Variants in EEF1E1 observed in about 807,000 individuals in gnomAD.
EEF1E1 encodes the protein eukaryotic translation elongation factor 1 epsilon 1, also known as eukaryotic translation elongation factor 1 epsilon-1.
Under a neutral mutation model 19.9 loss-of-function variants are expected in EEF1E1, and 19 were observed. The ratio of observed to expected loss-of-function variants is 0.95; its 90% CI spans 0.66 to 1.40. The LOEUF (loss-of-function observed/expected upper bound fraction) is 1.40. Ranked by LOEUF, EEF1E1 falls within the 40% of genes most tolerant of loss-of-function variation. The pLI, the probability that EEF1E1 is intolerant of heterozygous loss-of-function variation, is 0.00. For synonymous variants in EEF1E1, 81 were observed against 80.0 expected (o/e 1.01, Z -0.07); for missense variants, 198 against 202.2 (o/e 0.98, Z 0.13).
intron 1 of EEF1E1, chr6:8,101,796 G>GT (rs1319339551): frequency 1.2e-5 from 15 of 1,289,298 alleles, no homozygotes; most frequent in Non-Finnish European, 1.5e-5. Flanking sequence ...ACTGTGGGTC[G>GT]TAACACTTAA....
chr6:8,075,808 G>T (rs575371754), downstream of EEF1E1, among the ~76,000 whole-genome samples: 1 of 152,192 alleles, frequency 6.6e-6, no homozygotes, highest in Non-Finnish European at 1.5e-5. Flanking sequence ...AACCAAAGTA[G>T]AACTTCTTTC....
At chr6:8,078,688 TG>T (rs958082571), downstream of EEF1E1, 2 of 1,286,076 alleles carry the variant, frequency 1.6e-6, no homozygotes, top group East Asian at 1.1e-4. Flanking sequence ...GAGACAAACA[TG>T]GGGGCCTGTT....
In EEF1E1 at chr6:8,101,416, G is replaced by A. The variant is rs146896865; in HGVS notation, c.87+1019C>T. On this transcript the variant is annotated intron_variant, in intron 1 of 3. Coordinates refer to ENST00000379715, the MANE Select transcript of EEF1E1 (RefSeq NM_004280.5). Reference sequence around the variant, plus strand: ...GGCCGAAGGGACGGAATTATCACTGGGGCAGAGGAAACACCAAAAGAAGGC... The same window carrying A: ...GGCCGAAGGGACGGAATTATCACTGAGGCAGAGGAAACACCAAAAGAAGGC... Among the ~76,000 whole-genome samples, 268 of 149,818 alleles carry A rather than the reference G, an allele frequency of 1.8e-3. 2 individuals are homozygous for A. Among genetic ancestry groups the A allele is most frequent in the African/African-American group, 6.3e-3 (256 of 40,724 alleles).
chr6:8,091,787 G>T (rs1758017757), intron 2 of EEF1E1, among the ~76,000 whole-genome samples: 1 of 152,118 alleles, frequency 6.6e-6, no homozygotes, highest in African/African-American at 2.4e-5. Flanking sequence ...CTCCTCTAAG[G>T]ACTAGATATA....
Position 8,091,429 on chromosome 6 carries a change from A to C in EEF1E1, c.289-1148T>G, listed in dbSNP as rs77139062. 1.5e-3 allele frequency among the ~76,000 whole-genome samples: 224 copies of C among 152,260 alleles called. 2 individuals are homozygous for C. Among genetic ancestry groups the C allele is most frequent in the African/African-American group, 5.1e-3 (213 of 41,542 alleles). On this transcript the variant is annotated intron_variant, in intron 2 of 3. Transcript: ENST00000379715. ...CTGTAGGAGTTCTTCACATATTCTG[A>C]ATATTAACCCCTTAACAAACATATG...
At chr6:8,089,271 T>C (rs573516668) in intron 3 of EEF1E1, among the ~76,000 whole-genome samples, 29 of 152,284 alleles carry the variant, frequency 1.9e-4, no homozygotes, top group African/African-American at 7.0e-4. Flanking sequence ...AATTAGACAC[T>C]AAGAGATCAA....
At chr6:8,093,324 C>CTTTT (rs57000456) in intron 2 of EEF1E1, among the ~76,000 whole-genome samples, 23,560 of 134,320 alleles carry the variant, frequency 0.18, 2,361 homozygotes, top group Non-Finnish European at 0.24. Flanking sequence ...CATTCGCTTC[C>CTTTT]TTTTTTTTTT....
At chr6:8,099,775 C>T (rs1179667814) in intron 1 of EEF1E1, among the ~76,000 whole-genome samples, 1 of 124,674 alleles carries the variant, frequency 8.0e-6, no homozygotes, top group African/African-American at 3.4e-5. Flanking sequence ...CACACACACA[C>T]ACACACACAC....
intron 2 of EEF1E1, among the ~76,000 whole-genome samples, chr6:8,091,871 A>C (rs908342037): frequency 1.4e-4 from 21 of 152,224 alleles, no homozygotes; most frequent in Admixed American, 3.3e-4. Context: ...TTTTGTTCCG[A>C]TTCTCAAATC....
downstream of EEF1E1, among the ~76,000 whole-genome samples, chr6:8,077,400 TG>T (rs1449143599): frequency 1.3e-5 from 2 of 152,348 alleles, no homozygotes; most frequent in East Asian, 1.9e-4. Flanking sequence ...TCTCGAGCCA[TG>T]GAAGTCCTAG....
At chr6:8,073,382 C>A in exon 4 of EEF1E1, 1 of 1,473,892 alleles carries the variant, frequency 6.8e-7, no homozygotes, top group Non-Finnish European at 9.1e-7. Flanking sequence ...AATTTTATGG[C>A]ACTCCATGTA....
chr6:8,084,307 G>C (rs893145137), intron 3 of EEF1E1, among the ~76,000 whole-genome samples: 1 of 152,164 alleles, frequency 6.6e-6, no homozygotes, highest in Non-Finnish European at 1.5e-5. Flanking sequence ...ACCCTCCAGT[G>C]CACTTAGACT....
chr6:8,075,652 G>T (rs1193983324), downstream of EEF1E1, among the ~76,000 whole-genome samples: 1 of 152,146 alleles, frequency 6.6e-6, no homozygotes, highest in African/African-American at 2.4e-5. Context: ...CATGTCAATG[G>T]CTCCTCATTG....
chr6:8,078,268 A>T (rs936514080), downstream of EEF1E1, among the ~76,000 whole-genome samples: 4 of 152,116 alleles, frequency 2.6e-5, no homozygotes, highest in African/African-American at 9.7e-5. Flanking sequence ...AAGTGGCCTA[A>T]TTTCAATACT....
chr6:8,078,528 G>T, downstream of EEF1E1: 1 of 541,112 alleles, frequency 1.8e-6, no homozygotes, highest in Non-Finnish European at 2.5e-6. Flanking sequence ...CATGAAGCAA[G>T]CACAAGCCGA....
At chr6:8,077,159 T>G (rs145429080), downstream of EEF1E1, among the ~76,000 whole-genome samples, 4,027 of 151,518 alleles carry the variant, frequency 0.027, 100 homozygotes, top group African/African-American at 0.066. Context: ...TAGCCAGGAT[T>G]GTCTCGATCT....
rs1292792548 is a variant in EEF1E1, at chr6:8,099,944, A to T, written c.88-2477T>A. Among the ~76,000 whole-genome samples, 6 of 141,550 alleles carry T rather than the reference A, an allele frequency of 4.2e-5. No individual in the cohort carries two copies. The East Asian group carries it at 8.3e-4, about 20-fold the overall frequency. The allele number at this position is 141,550 out of a possible 152,430, so 92.9% of individuals were successfully genotyped here. ...TAAAGAATCAATATCCTAGATAAGG[A>T]TCTCTGAACTGCTTTCAATTTTTAA... On this transcript the variant is annotated intron_variant, in intron 1 of 3. Coordinates refer to ENST00000379715, the MANE Select transcript of EEF1E1 (RefSeq NM_004280.5).
chr6:8,088,858 G>C (rs1757939442), intron 3 of EEF1E1, among the ~76,000 whole-genome samples: 1 of 152,024 alleles, frequency 6.6e-6, no homozygotes. Context: ...AATGGAGGAA[G>C]GCTCGGTGAT....
chr6:8,086,130 A>G (rs948602726), intron 3 of EEF1E1, among the ~76,000 whole-genome samples: 1 of 152,168 alleles, frequency 6.6e-6, no homozygotes, highest in African/African-American at 2.4e-5. Context: ...GGAACAATTC[A>G]GAATAAAGTC....
Sources: allele counts gnomAD v4.1 joint callset (sites outside exome capture counted in the v4.1 genomes callset), GRCh38; gene constraint gnomAD v4.1.1; transcripts MANE v1.5; gene names NCBI Gene and HGNC (gene_info 2026-07-23, HGNC 2026-07-21).